CPSF4L: variants seen among roughly 807,000 people sequenced by gnomAD.
The protein encoded by CPSF4L is putative cleavage and polyadenylation specificity factor subunit 4-like protein.
A neutral mutation model predicts 24.0 loss-of-function variants in CPSF4L; 18 were observed. The observed-to-expected ratio is 0.75, with a 90% confidence interval of 0.52 to 1.11. CPSF4L has a LOEUF of 1.11. CPSF4L is among the 50% of genes least tolerant of loss of function. The pLI is 0.00. For missense variants in CPSF4L, 211 were observed against 221.8 expected, an observed-to-expected ratio of 0.95 and a Z score of 0.31; for synonymous variants, 72 against 77.2, an observed-to-expected ratio of 0.93 and a Z score of 0.35.
At chr17:73,252,417 G>A (rs554489802) in intron 5 of CPSF4L, among the ~76,000 whole-genome samples, 5 of 152,286 alleles carry the variant, frequency 3.3e-5, no homozygotes, top group Admixed American at 1.3e-4. Context: ...TGAAAAGATC[G>A]ACACCTATCC....
rs2062015218 is a variant in CPSF4L at position 73,254,015 on chromosome 17, T to C, written c.319A>G (p.Asn107Asp). ...YFYSKFGDCS[N>D]KECSFLHVKP... Reference sequence around the variant, plus strand: ...ACATGGAGGAAGGAACACTCCTTGTTGCTGCAGTCACCTGAAAATCCCAGC... The same window carrying C: ...ACATGGAGGAAGGAACACTCCTTGTCGCTGCAGTCACCTGAAAATCCCAGC... Residue 107 changes from asparagine (N) to aspartate (D), a missense_variant, in exon 4 of 6, where the codon AAC becomes GAC. Coordinates refer to ENST00000344935, the MANE Select transcript of CPSF4L (RefSeq NM_001129885.1). 6.4e-7 allele frequency: 1 copy of C among 1,551,410 alleles called. No individual in the cohort carries two copies.
chr17:73,253,440 A>C (rs2062012956), intron 4 of CPSF4L, among the ~76,000 whole-genome samples: 1 of 152,214 alleles, frequency 6.6e-6, no homozygotes, highest in Non-Finnish European at 1.5e-5. Flanking sequence ...ACTCCGTAAG[A>C]AAAACCTATC....
downstream of CPSF4L, chr17:73,248,393 T>C: frequency 1.9e-6 from 2 of 1,072,790 alleles, no homozygotes; most frequent in Non-Finnish European, 2.8e-6. Context: ...AACAGCCTTA[T>C]AAGTTTTGTC....
downstream of CPSF4L, chr17:73,248,431 G>C: frequency 7.2e-7 from 1 of 1,395,884 alleles, no homozygotes; most frequent in Non-Finnish European, 1.0e-6. Flanking sequence ...AGAAGGAGGG[G>C]GTAAAAGTCG....
chr17:73,245,315 A>C (rs1191589453), downstream of CPSF4L: 1 of 1,418,076 alleles, frequency 7.1e-7, no homozygotes, highest in Non-Finnish European at 9.3e-7. Flanking sequence ...AGTGAAAAAA[A>C]TAAAGAATAA....
chr17:73,242,755 T>A, the CPSF4L span: 2 of 637,468 alleles, frequency 3.1e-6, no homozygotes, highest in Admixed American at 3.1e-5. Flanking sequence ...GATGTTAGCC[T>A]TTATGTGTTT....
chr17:73,255,445 T>G lies in CPSF4L; in HGVS notation c.308-1419A>C, dbSNP rs528702900. 7.8e-4 allele frequency among the ~76,000 whole-genome samples: 117 copies of G among 150,258 alleles called. No individual in the cohort carries two copies. In the Middle Eastern group the frequency reaches 0.017, roughly 22 times the overall value. On this transcript the variant is annotated intron_variant, in intron 3 of 5. Transcript: ENST00000344935. Reference sequence around the variant, plus strand: ...TCGCTTGAACCTGGGAGGCAGAGGTTGCAGTGAGTCGAGATTGTGCCATTC... The same window carrying G: ...TCGCTTGAACCTGGGAGGCAGAGGTGGCAGTGAGTCGAGATTGTGCCATTC...
chr17:73,242,355 A>C, the CPSF4L span: 1 of 1,550,386 alleles, frequency 6.5e-7, no homozygotes, highest in Non-Finnish European at 8.7e-7. Context: ...CAAAAAGGTG[A>C]GGCTGGAGTT....
chr17:73,250,912 T>C, intron 5 of CPSF4L: 1 of 1,316,964 alleles, frequency 7.6e-7, no homozygotes, highest in Non-Finnish European at 1.0e-6. Flanking sequence ...TCCCTGATCA[T>C]TCCTTGCCCT....
chr17:73,259,790 C>T (rs2062038558), intron 2 of CPSF4L, among the ~76,000 whole-genome samples: 2 of 152,208 alleles, frequency 1.3e-5, no homozygotes, highest in Admixed American at 6.6e-5. Flanking sequence ...TGGTCCCCTC[C>T]AGCCCCCCAG....
At chr17:73,242,586 C>G in the CPSF4L span, among the ~76,000 whole-genome samples, 5 of 152,178 alleles carry the variant, frequency 3.3e-5, no homozygotes, top group East Asian at 9.6e-4. Context: ...TACCTACCCC[C>G]AACTTTCCCT....
chr17:73,245,177 G>A (rs571568861), downstream of CPSF4L: 39 of 1,613,642 alleles, frequency 2.4e-5, no homozygotes, highest in South Asian at 1.4e-4. Context: ...GAGCTGCAGC[G>A]GTGGCGTAAG....
chr17:73,257,794 A>T lies in CPSF4L; in HGVS notation c.194T>A (p.Met65Lys). The T allele has an allele frequency of 6.4e-7, 1 of 1,551,398 alleles. No homozygotes were observed. Among genetic ancestry groups the T allele is most frequent in the African/African-American group, 1.4e-5 (1 of 73,026 alleles). Residue 65 changes from methionine (M) to lysine (K), a missense_variant, in exon 3 of 6, where the codon ATG (methionine) becomes AAG (lysine). Coordinates refer to ENST00000344935, the MANE Select transcript of CPSF4L (RefSeq NM_001129885.1). Reference protein sequence around the residue: ...CPFRHDRGEKMVVCKHWLRGL... With the variant: ...CPFRHDRGEKKVVCKHWLRGL... ...CCGGAGCCAGTGCTTGCATACCACC[A>T]TCTTCTCCCCTCGGTCATGTCGGAA...
intron 1 of CPSF4L, 138 bp downstream of exon 1, chr17:73,261,578 G>A (rs1568333470): frequency 6.2e-6 from 4 of 642,876 alleles, no homozygotes; most frequent in South Asian, 1.8e-5. Context: ...GGAGAATGGC[G>A]TGAACCCAGG....
intron 2 of CPSF4L, among the ~76,000 whole-genome samples, chr17:73,258,312 G>A (rs1026418982): frequency 2.0e-5 from 3 of 151,236 alleles, no homozygotes; most frequent in Non-Finnish European, 3.0e-5. Flanking sequence ...GCCCAGCCAA[G>A]CTCTTGTTTT....
chr17:73,262,095 A>C (rs2145286502), upstream of CPSF4L: 1 of 443,470 alleles, frequency 2.3e-6, no homozygotes. Flanking sequence ...AGGGATTCGC[A>C]GAGCCCCACA....
downstream of CPSF4L, chr17:73,245,219 G>A: frequency 6.2e-7 from 1 of 1,612,938 alleles, no homozygotes; most frequent in Non-Finnish European, 8.5e-7. Flanking sequence ...TTAAAGCTCT[G>A]GAACAGCAAA....
At chr17:73,247,721 C>T (rs1446279920), downstream of CPSF4L, 1 of 171,904 alleles carries the variant, frequency 5.8e-6, no homozygotes, top group Non-Finnish European at 1.3e-5. Flanking sequence ...TTTTGTTTGA[C>T]ATTGGTAAGT....
At chr17:73,258,134 T>TCCC (rs1200219870) in intron 2 of CPSF4L, among the ~76,000 whole-genome samples, 4 of 151,652 alleles carry the variant, frequency 2.6e-5, no homozygotes, top group Non-Finnish European at 4.4e-5. Context: ...CTCCATTTCC[T>TCCC]GAGTAGCTGG....
Sources: gnomAD v4.1 joint callset for allele counts (sites outside exome capture counted in the v4.1 genomes callset) on GRCh38, gnomAD v4.1.1 for gene constraint, MANE v1.5 for transcripts, NCBI Gene and HGNC (gene_info 2026-07-23, HGNC 2026-07-21) for gene names.